The following AKAP9 variants were observed in gnomAD, a reference collection of about 807,000 sequenced individuals.
The protein encoded by AKAP9 is A-kinase anchor protein 9.
AKAP9 carries 311 observed loss-of-function variants against 488.5 expected under a neutral mutation model. The ratio of observed to expected loss-of-function variants is 0.64; its 90% CI spans 0.58 to 0.70. The LOEUF (loss-of-function observed/expected upper bound fraction) is 0.70. AKAP9 is among the 30% of genes least tolerant of loss of function. The pLI is 0.00. For missense variants in AKAP9, 4,215 were observed against 4,374.5 expected (o/e 0.96, Z 1.03); for synonymous variants, 1,462 against 1,483.5 (o/e 0.99, Z 0.33).
In AKAP9 at chr7:92,085,577, C is replaced by T. The variant is rs768882659; in HGVS notation, c.8915C>T (p.Ser2972Phe). 3.1e-6 allele frequency: 5 copies of T among 1,613,800 alleles called. No homozygotes were observed. In the Admixed American group the frequency reaches 8.3e-5, roughly 27 times the overall value. ...ESPYSDGEDHSIQQVSEPWLE... is the reference protein window; with the variant it reads ...ESPYSDGEDHFIQQVSEPWLE... ...CCCTATAGTGATGGAGAGGACCATT[C>T]TATTCAGCAGGTTTCAGAACCTTGG... Residue 2972 changes from serine (S) to phenylalanine (F), a missense_variant, in exon 36 of 50, where the codon TCT (serine) becomes TTT (phenylalanine). By Grantham distance (155) the Ser-to-Phe change is radical. Coordinates refer to ENST00000356239, the MANE Select transcript of AKAP9 (RefSeq NM_005751.5).
intron 12 of AKAP9, among the ~76,000 whole-genome samples, chr7:92,019,442 C>CTTATTTAT (rs146689649): frequency 1.5e-4 from 23 of 151,724 alleles, no homozygotes; most frequent in Non-Finnish European, 3.2e-4. Flanking sequence ...ACCCGACCTA[C>CTTATTTAT]TTATTTATTT....
intron 12 of AKAP9, among the ~76,000 whole-genome samples, chr7:92,019,254 G>A (rs914164768): frequency 9.9e-5 from 15 of 151,576 alleles, no homozygotes; most frequent in African/African-American, 3.6e-4. Flanking sequence ...CGATTCTCCT[G>A]CCTCAGCCTC....
intron 1 of AKAP9, among the ~76,000 whole-genome samples, chr7:91,957,937 C>T (rs768839495): frequency 8.5e-5 from 13 of 152,068 alleles, no homozygotes; most frequent in Admixed American, 2.6e-4. Context: ...TCTGTTCTGA[C>T]GTACAGCACA....
chr7:92,001,981 G>T lies in AKAP9; in HGVS notation c.2064G>T (p.Leu688Phe). ...CCATGCAGTTTGAAAAGGACAATTT[G>T]ATAACTAAGCAGAATCAATTAATTT... ...IETMQFEKDN[L>F]ITKQNQLILE... The change falls in exon 8 of 50, where the codon TTG becomes TTT. Residue 688 changes from leucine to phenylalanine, a missense_variant. By Grantham distance (22) the Leu-to-Phe change is conservative. Transcript: ENST00000356239. 1 of 1,612,796 alleles carries T rather than the reference G, an allele frequency of 6.2e-7. No individual in the cohort carries two copies. Among genetic ancestry groups the T allele is most frequent in the South Asian group, 1.1e-5 (1 of 90,838 alleles).
chr7:91,981,717 C>A (rs149832303), intron 3 of AKAP9, among the ~76,000 whole-genome samples: 1 of 148,646 alleles, frequency 6.7e-6, no homozygotes, highest in Admixed American at 6.9e-5. Flanking sequence ...CTAAGCAATT[C>A]TCTGCCTCAG....
At chr7:91,973,998 A>G in intron 2 of AKAP9, 30 bp downstream of exon 2, 2 of 1,612,112 alleles carry the variant, frequency 1.2e-6, no homozygotes, top group Non-Finnish European at 1.7e-6. Context: ...TTTAATCATT[A>G]TGGTTCTCGA....
At chr7:92,000,135 C>G (rs533584307) in intron 7 of AKAP9, among the ~76,000 whole-genome samples, 10 of 152,364 alleles carry the variant, frequency 6.6e-5, no homozygotes, top group Admixed American at 5.9e-4. Flanking sequence ...AGCCCTATCT[C>G]CATTCCAAAA....
intron 1 of AKAP9, among the ~76,000 whole-genome samples, chr7:91,958,654 G>A (rs74317157): frequency 2.0e-5 from 3 of 152,152 alleles, no homozygotes; most frequent in Non-Finnish European, 4.4e-5. Context: ...TTAGAGTTGT[G>A]TGAGGGAGGC....
Position 92,100,924 on chromosome 7 carries a change from G to A in AKAP9, c.10965G>A (p.Trp3655Ter). Residue 3655 changes from tryptophan (W) to a stop codon, truncating the protein, a stop_gained, in exon 45 of 50, where the codon TGG (tryptophan) becomes TGA (stop). Transcript: ENST00000356239. LOFTEE classifies it high-confidence loss of function. ...EAIIASEKEV[W>*]NREKLTLQKS... is the part of the protein sequence containing the mutation. Reference sequence around the variant, plus strand: ...TCATTGCCTCTGAAAAAGAAGTATGGAACAGAGAAAAATTGACTCTCCAGA... The same window carrying A: ...TCATTGCCTCTGAAAAAGAAGTATGAAACAGAGAAAAATTGACTCTCCAGA... The A allele has an allele frequency of 2.5e-6, 4 of 1,614,114 alleles. No homozygotes were observed. Among genetic ancestry groups the A allele is most frequent in the Non-Finnish European group, 3.4e-6 (4 of 1,180,018 alleles).
chr7:91,978,978 A>G (rs894870837), intron 2 of AKAP9, among the ~76,000 whole-genome samples: 6 of 118,432 alleles, frequency 5.1e-5, no homozygotes, highest in Admixed American at 4.1e-4. Context: ...AGAGTTCACC[A>G]TTTTGGCTAG....
Position 92,108,476 on chromosome 7 carries a change from A to C in AKAP9, c.11547-18A>C. 1.9e-6 allele frequency: 3 copies of C among 1,613,428 alleles called. No homozygotes were observed. Among genetic ancestry groups the C allele is most frequent in the Non-Finnish European group, 2.5e-6 (3 of 1,179,950 alleles). On this transcript the variant is annotated intron_variant, in intron 48 of 49. Transcript: ENST00000356239. ...TTTCTGGATAACTTGATTCATGTAC[A>C]TATTTTTAATCCTTTAGGTACCCAG...
intron 42 of AKAP9, 147 bp downstream of exon 42, chr7:92,097,941 C>T (rs912844355): frequency 3.5e-5 from 33 of 936,272 alleles, no homozygotes; most frequent in Non-Finnish European, 5.4e-5. Flanking sequence ...TTTAACAGAA[C>T]TCAAATGTCT....
At chr7:91,952,394 A>G (rs1277053896) in intron 1 of AKAP9, among the ~76,000 whole-genome samples, 1 of 152,242 alleles carries the variant, frequency 6.6e-6, no homozygotes, top group East Asian at 1.9e-4. Context: ...GCAGACACAT[A>G]AAGAGATAAT....
At chr7:91,982,826 TTCTC>T (rs1261044111) in intron 3 of AKAP9, among the ~76,000 whole-genome samples, 8 of 152,152 alleles carry the variant, frequency 5.3e-5, no homozygotes, top group Admixed American at 1.3e-4. Context: ...GCATTCCTAT[TTCTC>T]CACATCCTCT....
intron 1 of AKAP9, among the ~76,000 whole-genome samples, chr7:91,968,554 C>T (rs1406827134): frequency 6.6e-6 from 1 of 152,034 alleles, no homozygotes; most frequent in Non-Finnish European, 1.5e-5. Context: ...CTTTTTGTTT[C>T]ATTGACTTCT....
chr7:91,994,648 C>G lies in AKAP9; in HGVS notation c.604C>G (p.Gln202Glu), dbSNP rs147876926. Residue 202 changes from glutamine to glutamate, a missense_variant, in exon 6 of 50, where the codon CAA becomes GAA. Gln to Glu is a conservative substitution (Grantham distance 29). This residue lies in a region of AKAP9 where 2,361 missense variants were observed against 2,430.0 expected (regional missense o/e 0.97). Transcript: ENST00000356239. ...QLQEFEAAIK[Q>E]RDGIITQLTA... ...ACAAGAATTTGAAGCTGCCATTAAACAAAGAGATGGCATTATAACCCAGCT... is the reference window on the plus strand; with the variant it reads ...ACAAGAATTTGAAGCTGCCATTAAAGAAAGAGATGGCATTATAACCCAGCT... The G allele has an allele frequency of 8.1e-5, 131 of 1,612,764 alleles. No homozygotes were observed. Among genetic ancestry groups the G allele is most frequent in the Non-Finnish European group, 1.1e-4 (128 of 1,179,472 alleles).
intron 8 of AKAP9, among the ~76,000 whole-genome samples, chr7:92,010,837 T>A (rs1466552402): frequency 6.6e-6 from 1 of 151,996 alleles, no homozygotes; most frequent in Non-Finnish European, 1.5e-5. Flanking sequence ...ATTATTTTTT[T>A]AGAGATGGGG....
intron 1 of AKAP9, among the ~76,000 whole-genome samples, chr7:91,971,935 C>G (rs1259666141): frequency 7.2e-6 from 1 of 138,686 alleles, no homozygotes; most frequent in African/African-American, 2.7e-5. Flanking sequence ...CTTGTTTTAG[C>G]TTTTACTGGA....
chr7:92,098,453 T>C (rs1411350939), intron 43 of AKAP9, among the ~76,000 whole-genome samples: 4 of 152,218 alleles, frequency 2.6e-5, no homozygotes, highest in African/African-American at 9.6e-5. Context: ...TTTTACTGTA[T>C]GGAGACAAGC....
Sources: allele counts gnomAD v4.1 joint callset (sites outside exome capture counted in the v4.1 genomes callset), GRCh38; gene constraint gnomAD v4.1.1; regional missense constraint gnomAD v4.1.1; transcripts MANE v1.5; gene names NCBI Gene and HGNC (gene_info 2026-07-23, HGNC 2026-07-21).